SYT14: variants seen among roughly 807,000 people sequenced by gnomAD.
SYT14 encodes the protein synaptotagmin-14.
A neutral mutation model predicts 74.2 loss-of-function variants in SYT14; 32 were observed. The observed-to-expected ratio is 0.43, with a 90% CI of 0.33 to 0.58. SYT14 has a LOEUF of 0.58. Ranked by LOEUF, SYT14 falls within the 20% of genes least tolerant of loss-of-function variation. The pLI is 0.05. For synonymous variants in SYT14, 298 were observed against 337.7 expected (o/e 0.88, Z 1.29); for missense variants, 791 against 981.8 (o/e 0.81, Z 2.60).
In SYT14 at chr1:210,059,427, A is replaced by AATATATAT. The variant is rs374307953; in HGVS notation, c.1313-34877_1313-34870dup. 9.7e-3 allele frequency among the ~76,000 whole-genome samples: 774 copies of AATATATAT among 79,862 alleles called. 12 individuals are homozygous for AATATATAT. The highest frequency in any genetic ancestry group is 0.03 in the East Asian group (60 of 1,976). 52.4% of individuals were successfully genotyped at this position (79,862 alleles called of 152,430 possible). ...CTGTATATGCATGATGACAAGAAAG[A>AATATATAT]ATATATATATATATATATATATATA... On this transcript the variant is annotated intron_variant, in intron 5 of 9. Coordinates refer to ENST00000637265, the Ensembl canonical transcript of SYT14.
At chr1:209,963,568 A>T (rs906668489) in intron 2 of SYT14, among the ~76,000 whole-genome samples, 4 of 152,162 alleles carry the variant, frequency 2.6e-5, no homozygotes, top group African/African-American at 9.7e-5. Flanking sequence ...AATAAAATTA[A>T]TTTTCTGGTT....
chr1:210,147,841 T>C (rs887366329), intron 7 of SYT14, among the ~76,000 whole-genome samples: 2 of 152,056 alleles, frequency 1.3e-5, no homozygotes, highest in Non-Finnish European at 2.9e-5. Context: ...ATGTGACATA[T>C]GAGCAAAGAC....
intron 2 of SYT14, among the ~76,000 whole-genome samples, chr1:209,961,582 C>T (rs1235846895): frequency 6.6e-6 from 1 of 152,102 alleles, no homozygotes; most frequent in Non-Finnish European, 1.5e-5. Context: ...ACTAATCTCA[C>T]AAGACTTCTC....
chr1:209,958,966 A>G (rs2079033766), intron 2 of SYT14, among the ~76,000 whole-genome samples: 1 of 152,134 alleles, frequency 6.6e-6, no homozygotes, highest in Non-Finnish European at 1.5e-5. Context: ...ATTGCTGGGA[A>G]TGTAAAATGG....
intron 5 of SYT14, among the ~76,000 whole-genome samples, chr1:210,062,684 C>T (rs1473352440): frequency 6.6e-6 from 1 of 151,862 alleles, no homozygotes; most frequent in Non-Finnish European, 1.5e-5. Context: ...CCTTTCACTC[C>T]CATTTCAAAT....
intron 7 of SYT14, among the ~76,000 whole-genome samples, chr1:210,114,059 G>A (rs1344685257): frequency 2.6e-5 from 4 of 151,430 alleles, no homozygotes; most frequent in Non-Finnish European, 4.4e-5. Flanking sequence ...TGAGGCAATC[G>A]GGCAGTGTCA....
chr1:210,019,262 AC>A (rs2080254689), intron 4 of SYT14, among the ~76,000 whole-genome samples: 1 of 152,098 alleles, frequency 6.6e-6, no homozygotes, highest in South Asian at 2.1e-4. Flanking sequence ...GAGACTCAAA[AC>A]CCTCTGCTGG....
chr1:209,941,045 T>G (rs189714505), intron 1 of SYT14, among the ~76,000 whole-genome samples: 1 of 152,336 alleles, frequency 6.6e-6, no homozygotes, highest in Non-Finnish European at 1.5e-5. Flanking sequence ...TGTTTTGAAC[T>G]GAACAGATCG....
chr1:210,113,626 A>G (rs1254833539), intron 7 of SYT14, among the ~76,000 whole-genome samples: 4 of 150,872 alleles, frequency 2.7e-5, no homozygotes, highest in African/African-American at 9.9e-5. Flanking sequence ...ATCGGTTGCT[A>G]AGGAGGGAGT....
At chr1:210,101,692 AG>A (rs1218797873) in intron 7 of SYT14, among the ~76,000 whole-genome samples, 2 of 150,988 alleles carry the variant, frequency 1.3e-5, no homozygotes, top group Non-Finnish European at 3.0e-5. Context: ...AATATTTCGG[AG>A]GGGGGAAGAA....
intron 7 of SYT14, among the ~76,000 whole-genome samples, chr1:210,105,211 G>T (rs1195155042): frequency 6.6e-6 from 1 of 152,166 alleles, no homozygotes; most frequent in Non-Finnish European, 1.5e-5. Flanking sequence ...ATTAAAGTTT[G>T]TGAATCACTG....
intron 5 of SYT14, among the ~76,000 whole-genome samples, chr1:210,081,894 A>C (rs1053462459): frequency 5.9e-5 from 9 of 152,226 alleles, no homozygotes; most frequent in African/African-American, 2.2e-4. Context: ...ACATCTAGAC[A>C]GTCTTGATTA....
At chr1:210,163,442 G>A (rs981661433) in exon 10 of SYT14, 1 of 453,556 alleles carries the variant, frequency 2.2e-6, no homozygotes, top group African/African-American at 2.0e-5. Context: ...TTATCTATAT[G>A]AGTGTATGTA....
intron 1 of SYT14, among the ~76,000 whole-genome samples, chr1:209,947,062 G>A (rs544648323): frequency 6.6e-6 from 1 of 152,274 alleles, no homozygotes; most frequent in Non-Finnish European, 1.5e-5. Flanking sequence ...CTGCTGTTGA[G>A]TCCTACTCAG....
intron 6 of SYT14, among the ~76,000 whole-genome samples, chr1:210,098,739 G>A (rs2102540155): frequency 6.6e-6 from 1 of 151,718 alleles, no homozygotes; most frequent in South Asian, 2.1e-4. Context: ...GGAGTCCACT[G>A]GCATGATCTT....
intron 7 of SYT14, among the ~76,000 whole-genome samples, chr1:210,125,088 G>A (rs2082541718): frequency 6.6e-6 from 1 of 151,802 alleles, no homozygotes; most frequent in Non-Finnish European, 1.5e-5. Flanking sequence ...TTAGATTCAG[G>A]GGGTAGGTGT....
At chr1:210,145,379 C>T (rs1266614046) in intron 7 of SYT14, among the ~76,000 whole-genome samples, 1 of 152,160 alleles carries the variant, frequency 6.6e-6, no homozygotes, top group Non-Finnish European at 1.5e-5. Context: ...CAAAATGCCT[C>T]TCTTGCTTCC....
intron 5 of SYT14, among the ~76,000 whole-genome samples, chr1:210,057,997 A>G (rs575027651): frequency 6.6e-6 from 1 of 152,194 alleles, no homozygotes; most frequent in Non-Finnish European, 1.5e-5. Flanking sequence ...CCTACCACAG[A>G]TTATAGTGAT....
chr1:209,964,878 A>G (rs967973147), intron 2 of SYT14, among the ~76,000 whole-genome samples: 6 of 152,220 alleles, frequency 3.9e-5, no homozygotes, highest in Admixed American at 6.5e-5. Context: ...TATTTATACA[A>G]ACAGTCTAGG....
Sources: allele counts gnomAD v4.1 joint callset (sites outside exome capture counted in the v4.1 genomes callset), GRCh38; gene constraint gnomAD v4.1.1; transcripts MANE v1.5; gene names NCBI Gene and HGNC (gene_info 2026-07-23, HGNC 2026-07-21).